Variants in MYO16 observed in about 807,000 individuals in gnomAD.
The protein encoded by MYO16 is unconventional myosin-XVI.
In MYO16, 94 loss-of-function variants were observed where a neutral mutation model predicts 205.3. The observed-to-expected ratio is 0.46, with a 90% CI of 0.39 to 0.54. The LOEUF is 0.54. MYO16 is among the 20% of genes least tolerant of loss of function. MYO16 has a pLI of 0.00. For missense variants in MYO16, 2,315 were observed against 2,387.5 expected (o/e 0.97, Z 0.63); for synonymous variants, 988 against 954.0 (o/e 1.04, Z -0.66).
the MYO16 span, among the ~76,000 whole-genome samples, chr13:108,558,901 G>A: frequency 6.6e-6 from 1 of 151,630 alleles, no homozygotes; most frequent in Admixed American, 6.6e-5. Flanking sequence ...TTTGTCATTC[G>A]CTCATGTATT....
chr13:108,795,527 T>C (rs1427289428), intron 6 of MYO16, among the ~76,000 whole-genome samples: 2 of 152,222 alleles, frequency 1.3e-5, no homozygotes, highest in Non-Finnish European at 2.9e-5. Context: ...AATTTTTAAA[T>C]CATACTTTCC....
At chr13:108,997,314 A>G (rs12429638) in intron 21 of MYO16, among the ~76,000 whole-genome samples, 5 of 81,676 alleles carry the variant, frequency 6.1e-5, no homozygotes, top group Non-Finnish European at 7.7e-5. Flanking sequence ...GAAAGAAAGA[A>G]AGAAAGAAAG....
At chr13:108,722,584 A>G (rs1884203530) in intron 3 of MYO16, among the ~76,000 whole-genome samples, 1 of 152,170 alleles carries the variant, frequency 6.6e-6, no homozygotes, top group African/African-American at 2.4e-5. Flanking sequence ...TCTGAATATA[A>G]ATGTAGATTC....
intron 4 of MYO16, among the ~76,000 whole-genome samples, chr13:108,746,598 T>C (rs2139625088): frequency 6.6e-6 from 1 of 152,288 alleles, no homozygotes; most frequent in South Asian, 2.1e-4. Flanking sequence ...ATATGATCCT[T>C]ACATATTATA....
chr13:109,191,816 A>T (rs1879928991), intron 34 of MYO16, among the ~76,000 whole-genome samples: 1 of 152,246 alleles, frequency 6.6e-6, no homozygotes, highest in South Asian at 2.1e-4. Context: ...ATCATATTAC[A>T]ACCTTCTTTA....
intron 4 of MYO16, 29 bp from the exon 5 acceptor site, chr13:108,785,606 T>C (rs376519238): frequency 9.8e-5 from 134 of 1,369,356 alleles, no homozygotes; most frequent in Non-Finnish European, 1.3e-4. Context: ...ACAGTATATA[T>C]GATGTTATAT....
intron 16 of MYO16, among the ~76,000 whole-genome samples, chr13:108,927,396 GTA>G (rs1882058388): frequency 6.6e-6 from 1 of 152,030 alleles, no homozygotes; most frequent in Non-Finnish European, 1.5e-5. Flanking sequence ...GATGCCTCTG[GTA>G]TAATGGGCCT....
At chr13:108,710,064 C>T (rs2139542286) in intron 2 of MYO16, among the ~76,000 whole-genome samples, 1 of 151,314 alleles carries the variant, frequency 6.6e-6, no homozygotes, top group East Asian at 2.0e-4. Flanking sequence ...GAGTGTAGCC[C>T]TGCTCTCATT....
intron 27 of MYO16, among the ~76,000 whole-genome samples, chr13:109,069,462 T>C (rs1594056054): frequency 1.3e-5 from 2 of 152,116 alleles, no homozygotes; most frequent in African/African-American, 2.4e-5. Context: ...TGGGCTGCCA[T>C]ATCAAAATAA....
At position 109,135,064 on chromosome 13, in the gene MYO16, C is replaced by G. The variant is rs371906280; in HGVS notation, c.4052-5200C>G. On this transcript the variant is annotated intron_variant, in intron 31 of 34. Transcript: ENST00000457511. The stretch of plus-strand genomic sequence containing the variant: ...CCGGTACGATTCCTGAGAGAGACAG[C>G]GCCTCAAGTGTGTCCTCTTCTAACT... 7.9e-5 allele frequency among the ~76,000 whole-genome samples: 12 copies of G among 152,270 alleles called. No homozygotes were observed. The East Asian group carries it at 1.9e-3, about 25-fold the overall frequency.
rs543428354 is a variant in MYO16, at chr13:109,067,161, T to C, written c.3335+11566T>C. The stretch of plus-strand genomic sequence containing the variant: ...GGGAGTCGGACTCCACACTCTTCAC[T>C]GTATACTCACTATCCTTCTCCTTAT... On this transcript the variant is annotated intron_variant, in intron 27 of 34. Transcript: ENST00000457511. 4.9e-4 allele frequency among the ~76,000 whole-genome samples: 74 copies of C among 152,356 alleles called. No homozygotes were observed. The South Asian group carries it at 0.014, about 30-fold the overall frequency.
chr13:109,012,035 T>A (rs765693803), intron 22 of MYO16, among the ~76,000 whole-genome samples: 18 of 152,246 alleles, frequency 1.2e-4, no homozygotes, highest in Admixed American at 2.0e-4. Flanking sequence ...TATCTACACA[T>A]TTAAAAGCAC....
intron 27 of MYO16, among the ~76,000 whole-genome samples, chr13:109,066,583 C>A (rs1195106702): frequency 1.3e-5 from 2 of 152,088 alleles, no homozygotes; most frequent in Non-Finnish European, 2.9e-5. Context: ...TTATGCTGCT[C>A]AGTACATTAT....
the MYO16 span, among the ~76,000 whole-genome samples, chr13:108,589,693 G>T: frequency 2.0e-5 from 3 of 151,602 alleles, no homozygotes; most frequent in African/African-American, 7.3e-5. Context: ...TCTCCCTCTC[G>T]CTGTCTGTCT....
At chr13:109,070,459 A>G (rs1887890166) in intron 27 of MYO16, among the ~76,000 whole-genome samples, 1 of 152,180 alleles carries the variant, frequency 6.6e-6, no homozygotes, top group African/African-American at 2.4e-5. Flanking sequence ...TGTAATGTTT[A>G]TTGATATCCC....
At chr13:108,516,119 A>G in the MYO16 span, among the ~76,000 whole-genome samples, 6 of 151,008 alleles carry the variant, frequency 4.0e-5, no homozygotes, top group Non-Finnish European at 5.9e-5. Context: ...TGTGCTAGCA[A>G]TCAGCGCGAT....
chr13:109,022,634 T>C (rs1886106695), intron 23 of MYO16, among the ~76,000 whole-genome samples: 1 of 135,384 alleles, frequency 7.4e-6, no homozygotes. Context: ...ATATATTATA[T>C]ATATGCATAT....
At chr13:108,987,235 C>T (rs542809778) in intron 20 of MYO16, among the ~76,000 whole-genome samples, 1 of 152,342 alleles carries the variant, frequency 6.6e-6, no homozygotes, top group East Asian at 1.9e-4. Flanking sequence ...TCTCTGGTTA[C>T]TCCCAGCCTC....
At chr13:108,986,139 G>GA (rs1252596699) in intron 20 of MYO16, among the ~76,000 whole-genome samples, 8 of 152,094 alleles carry the variant, frequency 5.3e-5, no homozygotes, top group African/African-American at 1.9e-4. Flanking sequence ...ATTATCGTGA[G>GA]AAAAATCTGT....
Sources: gnomAD v4.1 joint callset for allele counts (sites outside exome capture counted in the v4.1 genomes callset) on GRCh38, gnomAD v4.1.1 for gene constraint, MANE v1.5 for transcripts, NCBI Gene and HGNC (gene_info 2026-07-23, HGNC 2026-07-21) for gene names.